The following OPCML variants were observed in gnomAD, a reference collection of about 807,000 sequenced individuals.
OPCML encodes opioid-binding protein/cell adhesion molecule.
Under a neutral mutation model 37.8 loss-of-function variants are expected in OPCML, and 13 were observed. That is an observed-to-expected ratio of 0.34 (90% CI 0.22 to 0.55). The LOEUF (loss-of-function observed/expected upper bound fraction) is 0.55, where lower values mean the gene tolerates loss of function less well. Among genes scored for constraint, OPCML ranks in the 20% least tolerant of loss-of-function variants. The probability of loss-of-function intolerance (pLI) is 0.91; values close to 1 mark genes in which losing one functional copy is unlikely to be tolerated. For synonymous variants in OPCML, 176 were observed against 168.8 expected, an observed-to-expected ratio of 1.04 and a Z score of -0.33; for missense variants, 341 against 435.6, an observed-to-expected ratio of 0.78 and a Z score of 1.93.
chr11:133,196,639 G>A (rs747669215), intron 1 of OPCML, among the ~76,000 whole-genome samples: 1 of 152,092 alleles, frequency 6.6e-6, no homozygotes, highest in African/African-American at 2.4e-5. Context: ...TCTTTCTTAT[G>A]CAAAGCCAGC....
intron 1 of OPCML, among the ~76,000 whole-genome samples, chr11:133,140,078 T>G (rs1949744794): frequency 6.6e-6 from 1 of 151,484 alleles, no homozygotes. Context: ...TCCCAGCTAC[T>G]GGGGAGGCTG....
In OPCML at chr11:133,048,670, T is replaced by C. The variant is rs553700191; in HGVS notation, c.62-105660A>G. Among the ~76,000 whole-genome samples the C allele has an allele frequency of 3.9e-5, 6 of 152,314 alleles. No homozygotes were observed. The East Asian group carries it at 1.2e-3, about 29-fold the overall frequency. ...GGGTTCATGGTTCTTACTGACAAGA[T>C]ACCCCAGAAGAAAGAACTATACAGT... On this transcript the variant is annotated intron_variant, in intron 1 of 7. Transcript: ENST00000524381.
At chr11:133,204,106 CT>C (rs1399776854) in intron 1 of OPCML, among the ~76,000 whole-genome samples, 24 of 144,562 alleles carry the variant, frequency 1.7e-4, no homozygotes, top group African/African-American at 6.1e-4. Context: ...GACAAGGGAC[CT>C]TTTTTGTCTT....
intron 1 of OPCML, among the ~76,000 whole-genome samples, chr11:133,314,159 C>T (rs1460249296): frequency 3.6e-5 from 5 of 140,352 alleles, no homozygotes; most frequent in Non-Finnish European, 7.5e-5. Context: ...GGCGTGAACC[C>T]AGGAGTCGGA....
chr11:132,701,451 A>C (rs1247333560), intron 2 of OPCML, among the ~76,000 whole-genome samples: 2 of 152,164 alleles, frequency 1.3e-5, no homozygotes, highest in Non-Finnish European at 2.9e-5. Context: ...CTGTTGGTTA[A>C]AGTATAGCCA....
chr11:132,608,896 C>T (rs185985395), intron 3 of OPCML, among the ~76,000 whole-genome samples: 15 of 152,288 alleles, frequency 9.8e-5, no homozygotes, highest in Admixed American at 7.2e-4. Context: ...TCCAGTGTGT[C>T]GTGAGTTCCA....
chr11:132,813,231 T>C (rs1274917028), intron 2 of OPCML, among the ~76,000 whole-genome samples: 2 of 152,222 alleles, frequency 1.3e-5, no homozygotes, highest in African/African-American at 4.8e-5. Flanking sequence ...CATGTCCATC[T>C]GCATATCTCT....
At chr11:133,090,840 G>A (rs545116207) in intron 1 of OPCML, among the ~76,000 whole-genome samples, 50 of 152,242 alleles carry the variant, frequency 3.3e-4, no homozygotes, top group Non-Finnish European at 5.4e-4. Context: ...GTGTGTTTGA[G>A]AGAGAATACC....
intron 1 of OPCML, among the ~76,000 whole-genome samples, chr11:133,163,225 T>G (rs1433345172): frequency 6.6e-6 from 1 of 152,206 alleles, no homozygotes; most frequent in Non-Finnish European, 1.5e-5. Flanking sequence ...CATTCTCTAA[T>G]TTGGGGGCAG....
At chr11:133,186,714 A>G (rs1321587628) in intron 1 of OPCML, among the ~76,000 whole-genome samples, 1 of 152,232 alleles carries the variant, frequency 6.6e-6, no homozygotes, top group African/African-American at 2.4e-5. Flanking sequence ...CGAATGGAAC[A>G]TGCAAAGATC....
rs767396077 is a variant in OPCML at position 132,480,611 on chromosome 11, G to A, written c.506-43252C>T. Reference sequence around the variant, plus strand: ...AATGGAGGAAAAAATGTTAAGGGCAGCCAGAGAGAAAGGTCGGGTTACCCT... The same window carrying A: ...AATGGAGGAAAAAATGTTAAGGGCAACCAGAGAGAAAGGTCGGGTTACCCT... On this transcript the variant is annotated intron_variant, in intron 4 of 7. Coordinates refer to ENST00000524381, the MANE Select transcript of OPCML (RefSeq NM_001012393.5). Among the ~76,000 whole-genome samples the A allele has an allele frequency of 2.0e-5, 3 of 152,160 alleles. No individual in the cohort carries two copies. The South Asian group carries it at 6.2e-4, about 32-fold the overall frequency.
Position 133,357,064 on chromosome 11 carries a change from G to A in OPCML, c.61+175200C>T, listed in dbSNP as rs140263152. 3.0e-3 allele frequency among the ~76,000 whole-genome samples: 461 copies of A among 152,282 alleles called. 3 individuals are homozygous for A. The highest frequency in any genetic ancestry group is 0.011 in the African/African-American group (445 of 41,538). ...AATTGTCATTCAACCGTTTGCTCTA[G>A]GACACAGGTAGAAACTCATGGCCAC... On this transcript the variant is annotated intron_variant, in intron 1 of 7. Transcript: ENST00000524381.
intron 1 of OPCML, among the ~76,000 whole-genome samples, chr11:133,197,554 A>C (rs956126663): frequency 6.6e-6 from 1 of 152,194 alleles, no homozygotes; most frequent in African/African-American, 2.4e-5. Flanking sequence ...ATGCCTAGAT[A>C]ATAAGCCACT....
At chr11:133,048,061 G>A (rs374400106) in intron 1 of OPCML, among the ~76,000 whole-genome samples, 5 of 152,024 alleles carry the variant, frequency 3.3e-5, no homozygotes, top group East Asian at 1.9e-4. Context: ...CACTCTCATC[G>A]GGCTTGAGGA....
At chr11:133,424,277 C>A (rs995524813) in intron 1 of OPCML, among the ~76,000 whole-genome samples, 1 of 148,674 alleles carries the variant, frequency 6.7e-6, no homozygotes, top group Admixed American at 6.7e-5. Context: ...CACAAACAAG[C>A]TCCTTTTCTC....
chr11:133,294,815 CTTTTTTTTTT>C (rs59382534), intron 1 of OPCML, among the ~76,000 whole-genome samples: 4 of 56,558 alleles, frequency 7.1e-5, no homozygotes, highest in South Asian at 7.4e-4. Context: ...TTCTTTCTTT[CTTTTTTTTTT>C]TTTTTTTTTT....
At chr11:132,925,044 G>A (rs1012800121) in intron 2 of OPCML, among the ~76,000 whole-genome samples, 2 of 152,156 alleles carry the variant, frequency 1.3e-5, no homozygotes, top group African/African-American at 4.8e-5. Context: ...GTTGTGTCCA[G>A]TCCACCAAAG....
chr11:132,763,543 G>T (rs530364608), intron 2 of OPCML, among the ~76,000 whole-genome samples: 6 of 152,264 alleles, frequency 3.9e-5, no homozygotes, highest in African/African-American at 1.4e-4. Context: ...AGAAGTCCAG[G>T]AAAAGCTATC....
chr11:132,802,298 T>C lies in OPCML; in HGVS notation c.146+140628A>G, dbSNP rs147025196. Among the ~76,000 whole-genome samples, 541 of 152,164 alleles carry C rather than the reference T, an allele frequency of 3.6e-3. 4 individuals carry two copies. The highest frequency in any genetic ancestry group is 0.012 in the African/African-American group (516 of 41,508). The stretch of plus-strand genomic sequence containing the variant: ...AGGAAAACCAGATCATGCCAACCCT[T>C]CCCCACAAGCATTTCCGTGGCTTCT... On this transcript the variant is annotated intron_variant, in intron 2 of 7. Transcript: ENST00000524381.
Sources: gnomAD v4.1 joint callset for allele counts (sites outside exome capture counted in the v4.1 genomes callset) on GRCh38, gnomAD v4.1.1 for gene constraint, MANE v1.5 for transcripts, NCBI Gene and HGNC (gene_info 2026-07-23, HGNC 2026-07-21) for gene names.